The following ST18 variants were observed in gnomAD, a reference collection of about 807,000 sequenced individuals.
The protein encoded by ST18 is ST18 C2H2C-type zinc finger transcription factor.
A neutral mutation model predicts 110.0 loss-of-function variants in ST18; 50 were observed. The observed-to-expected ratio is 0.45, with a 90% CI of 0.36 to 0.58. The LOEUF is 0.58. Ranked by LOEUF, ST18 falls within the 20% of genes least tolerant of loss-of-function variation. The pLI is 0.00. For missense variants in ST18, 1,306 were observed against 1,280.1 expected (o/e 1.02, Z -0.31); for synonymous variants, 461 against 452.4 (o/e 1.02, Z -0.24).
intron 2 of ST18, among the ~76,000 whole-genome samples, chr8:52,387,646 C>T (rs1428885133): frequency 1.3e-5 from 2 of 152,026 alleles, no homozygotes; most frequent in African/African-American, 4.8e-5. Flanking sequence ...ATACAAAATG[C>T]TGACTTTCCT....
chr8:52,180,354 T>C (rs1218994261), intron 8 of ST18, 42 bp from the exon 9 acceptor site: 2 of 1,599,752 alleles, frequency 1.3e-6, no homozygotes, highest in Admixed American at 3.3e-5. Context: ...TAAATTAGCA[T>C]TTACTGCTGT....
chr8:52,344,566 A>G (rs1400963673), intron 2 of ST18, among the ~76,000 whole-genome samples: 1 of 151,876 alleles, frequency 6.6e-6, no homozygotes, highest in Non-Finnish European at 1.5e-5. Flanking sequence ...TCGCTCCACT[A>G]ATTTTTGTAT....
intron 2 of ST18, among the ~76,000 whole-genome samples, chr8:52,314,026 C>G (rs78519094): frequency 0.011 from 1,634 of 152,310 alleles, 35 homozygotes; most frequent in African/African-American, 0.038. Flanking sequence ...CAGCGCAGCT[C>G]TCAAGCCAAG....
chr8:52,331,180 G>A (rs1031324236), intron 2 of ST18, among the ~76,000 whole-genome samples: 1 of 152,162 alleles, frequency 6.6e-6, no homozygotes, highest in Non-Finnish European at 1.5e-5. Flanking sequence ...TCGACTGGAA[G>A]GGGTAGTTTC....
At chr8:52,356,570 G>A (rs759036344) in intron 2 of ST18, among the ~76,000 whole-genome samples, 3 of 152,058 alleles carry the variant, frequency 2.0e-5, no homozygotes, top group Non-Finnish European at 4.4e-5. Flanking sequence ...GAATTTATAA[G>A]GCATGCAAAG....
chr8:52,199,071 G>T (rs12541229), intron 8 of ST18: 45,890 of 151,484 alleles, frequency 0.3, 10,461 homozygotes, highest in African/African-American at 0.65. Flanking sequence ...TTGCCATTTT[G>T]CCAGTGCTTA....
intron 2 of ST18, among the ~76,000 whole-genome samples, chr8:52,355,486 T>TA (rs1822298269): frequency 6.6e-6 from 1 of 152,132 alleles, no homozygotes; most frequent in African/African-American, 2.4e-5. Flanking sequence ...TAAAGATTAC[T>TA]AAAAAAGGAG....
intron 2 of ST18, among the ~76,000 whole-genome samples, chr8:52,248,101 T>C (rs190346295): frequency 1.5e-3 from 226 of 152,300 alleles, no homozygotes; most frequent in African/African-American, 5.1e-3. Context: ...ATGTGACCTC[T>C]GATCATCCAG....
intron 2 of ST18, among the ~76,000 whole-genome samples, chr8:52,292,769 C>T (rs188620892): frequency 6.6e-6 from 1 of 152,122 alleles, no homozygotes; most frequent in Non-Finnish European, 1.5e-5. Flanking sequence ...ATCTATGAAA[C>T]CTCATTCCAC....
At chr8:52,383,744 G>A (rs1835498649) in intron 2 of ST18, among the ~76,000 whole-genome samples, 2 of 150,794 alleles carry the variant, frequency 1.3e-5, no homozygotes, top group Non-Finnish European at 3.0e-5. Flanking sequence ...ACCACACTGG[G>A]CCCCATTTTT....
chr8:52,305,203 T>C (rs1589759552), intron 2 of ST18, among the ~76,000 whole-genome samples: 1 of 152,114 alleles, frequency 6.6e-6, no homozygotes, highest in Non-Finnish European at 1.5e-5. Flanking sequence ...TAGAAAATGG[T>C]TTATACCACA....
intron 15 of ST18, among the ~76,000 whole-genome samples, chr8:52,158,667 AC>A (rs1351438707): frequency 6.6e-6 from 1 of 152,138 alleles, no homozygotes; most frequent in Admixed American, 6.5e-5. Context: ...AAACTTTGGT[AC>A]CCCAACTTCA....
chr8:52,117,063 A>G (rs1212921893), intron 24 of ST18, among the ~76,000 whole-genome samples: 2 of 152,206 alleles, frequency 1.3e-5, no homozygotes, highest in South Asian at 2.1e-4. Context: ...TTCTGCACAC[A>G]TTCAGAATAA....
intron 22 of ST18, among the ~76,000 whole-genome samples, chr8:52,126,496 T>A (rs531803601): frequency 2.0e-5 from 3 of 152,348 alleles, no homozygotes; most frequent in African/African-American, 7.2e-5. Flanking sequence ...TACATATATA[T>A]TATGAATAAG....
Position 52,194,926 on chromosome 8 carries a change from C to A in ST18, c.87-14614G>T, listed in dbSNP as rs117532376. Among the ~76,000 whole-genome samples the A allele has an allele frequency of 4.5e-3, 685 of 152,238 alleles. 2 individuals carry two copies. The highest frequency in any genetic ancestry group is 5.3e-3 in the Non-Finnish European group (363 of 68,020). On this transcript the variant is annotated intron_variant, in intron 8 of 25. Transcript: ENST00000689386. ...TTTAAAGAAACAACTATTCAATCAT[C>A]GGCTAAAACACAAAATTATACACCA... is the stretch of plus-strand genomic sequence containing the variant.
chr8:52,176,408 T>C (rs1185605799), intron 9 of ST18, among the ~76,000 whole-genome samples: 1 of 152,192 alleles, frequency 6.6e-6, no homozygotes, highest in Admixed American at 6.5e-5. Flanking sequence ...ACTAAAAGTG[T>C]TCCAACCTCA....
chr8:52,170,472 A>C (rs189943026), intron 10 of ST18, among the ~76,000 whole-genome samples: 23 of 151,168 alleles, frequency 1.5e-4, no homozygotes, highest in African/African-American at 5.3e-4. Context: ...ATAAATAAAT[A>C]AATAAATAAA....
chr8:52,292,971 T>C (rs942314956), intron 2 of ST18, among the ~76,000 whole-genome samples: 1 of 152,218 alleles, frequency 6.6e-6, no homozygotes, highest in African/African-American at 2.4e-5. Flanking sequence ...AAATTATATA[T>C]TATTCTAGGA....
chr8:52,137,514 C>A, intron 17 of ST18, 31 bp from the exon 18 acceptor site: 2 of 1,611,282 alleles, frequency 1.2e-6, no homozygotes, highest in South Asian at 1.1e-5. Flanking sequence ...TCATTAGAGT[C>A]AAGCGCATTT....
Sources: allele counts gnomAD v4.1 joint callset (sites outside exome capture counted in the v4.1 genomes callset), GRCh38; gene constraint gnomAD v4.1.1; transcripts MANE v1.5; gene names NCBI Gene and HGNC (gene_info 2026-07-23, HGNC 2026-07-21).